Variants in PLG observed in about 807,000 individuals in gnomAD.
PLG encodes plasminogen.
PLG carries 41 observed loss-of-function variants against 104.4 expected under a neutral mutation model. That is an observed-to-expected ratio of 0.39 (90% CI 0.31 to 0.51). The LOEUF (loss-of-function observed/expected upper bound fraction) is 0.51, where lower values mean the gene tolerates loss of function less well. Ranked by LOEUF, PLG falls within the 20% of genes least tolerant of loss-of-function variation. The pLI, the probability that PLG is intolerant of heterozygous loss-of-function variation, is 0.76. For synonymous variants in PLG, 337 were observed against 357.1 expected (o/e 0.94, Z 0.63); for missense variants, 891 against 1,003.6 (o/e 0.89, Z 1.52).
intron 3 of PLG, chr6:160,708,265 T>C (rs577526107): frequency 1.2e-3 from 178 of 154,774 alleles, no homozygotes; most frequent in African/African-American, 3.9e-3. Context: ...AAATCTTATT[T>C]TTACTCTTAA....
intron 4 of PLG, chr6:160,711,650 C>T (rs1777644370): frequency 2.5e-6 from 4 of 1,610,676 alleles, no homozygotes; most frequent in Non-Finnish European, 3.4e-6. Context: ...TGGTTGCTTT[C>T]TATTTTTTCT....
chr6:160,716,811 C>T (rs1777740276), intron 7 of PLG, 48 bp downstream of exon 7: 1 of 1,130,410 alleles, frequency 8.8e-7, no homozygotes, highest in Non-Finnish European at 1.4e-6. Flanking sequence ...CTGCCCTGTT[C>T]TTGAAATCAA....
chr6:160,747,158 G>A (rs934272838), intron 17 of PLG, among the ~76,000 whole-genome samples: 5 of 152,232 alleles, frequency 3.3e-5, no homozygotes, highest in Non-Finnish European at 7.3e-5. Flanking sequence ...TAATGTAAGT[G>A]GGATGGTGTT....
intron 10 of PLG, among the ~76,000 whole-genome samples, chr6:160,728,922 T>C (rs1171404134): frequency 2.0e-5 from 3 of 152,104 alleles, no homozygotes; most frequent in Non-Finnish European, 4.4e-5. Flanking sequence ...TTTCATAAAA[T>C]GAAAATTATG....
rs1778159788 is a variant in PLG at position 160,739,868 on chromosome 6, TGTC to T, written c.2018+661_2018+663del. On this transcript the variant is annotated intron_variant, in intron 16 of 18. Coordinates refer to ENST00000308192, the MANE Select transcript of PLG (RefSeq NM_000301.5). This position sits in a 1 kb window ranked among gnomAD's most constrained non-coding sequence, Gnocchi z 4.4. ...TAAATGTAAATTATATTATTATTAT[TGTC>T]TTCTTTGATTTGATTTTCTCTTTCC... Among the ~76,000 whole-genome samples, 1 of 152,170 alleles carries T rather than the reference TGTC, an allele frequency of 6.6e-6. No homozygotes were observed. The highest frequency in any genetic ancestry group is 2.4e-5 in the African/African-American group (1 of 41,438).
intron 10 of PLG, among the ~76,000 whole-genome samples, chr6:160,729,551 A>C (rs1327574568): frequency 6.6e-6 from 1 of 152,248 alleles, no homozygotes; most frequent in Non-Finnish European, 1.5e-5. Context: ...TTAAGCAATT[A>C]AAATGAAGAA....
chr6:160,714,710 A>T, intron 5 of PLG, 84 bp from the exon 6 acceptor site: 1 of 1,365,976 alleles, frequency 7.3e-7, no homozygotes, highest in Non-Finnish European at 1.0e-6. Context: ...TTAAGTGAGT[A>T]GGATTCTGGT....
At position 160,724,875 on chromosome 6, in the gene PLG, T is replaced by C. The variant is rs1777898946; in HGVS notation, c.1256+2308T>C. On this transcript the variant is annotated intron_variant, in intron 10 of 18. Coordinates refer to ENST00000308192, the MANE Select transcript of PLG (RefSeq NM_000301.5). This position sits in a 1 kb window ranked among gnomAD's most constrained non-coding sequence, Gnocchi z 5.0. Reference sequence around the variant, plus strand: ...ATCTATTTTGGTAGAAGAAAAATAGTGCCAGATGGGAACTTTATACTAAGT... The same window carrying C: ...ATCTATTTTGGTAGAAGAAAAATAGCGCCAGATGGGAACTTTATACTAAGT... 1.3e-5 allele frequency among the ~76,000 whole-genome samples: 2 copies of C among 152,166 alleles called. 1 individual carries two copies. The highest frequency in any genetic ancestry group is 4.8e-5 in the African/African-American group (2 of 41,456).
At position 160,731,919 on chromosome 6, in the gene PLG, T is replaced by C; in HGVS notation, c.1587+26T>C. The C allele has an allele frequency of 6.2e-7, 1 of 1,612,660 alleles. No individual in the cohort carries two copies. The highest frequency in any genetic ancestry group is 8.5e-7 in the Non-Finnish European group (1 of 1,178,754). ...GTAAGCCACTTTGATTTGGACTCTT[T>C]GGCCTTTTGCTCACCAATCTTTGCA... On this transcript the variant is annotated intron_variant, in intron 12 of 18. Transcript: ENST00000308192. The surrounding 1 kb of genome is among the most constrained non-coding windows in gnomAD (Gnocchi z 5.1).
At chr6:160,730,571 A>C (rs973387257) in intron 10 of PLG, among the ~76,000 whole-genome samples, 1 of 152,180 alleles carries the variant, frequency 6.6e-6, no homozygotes, top group Non-Finnish European at 1.5e-5. Context: ...GAATGATACC[A>C]TCTTGGATGT....
intron 1 of PLG, among the ~76,000 whole-genome samples, chr6:160,702,937 C>T (rs1279191029): frequency 1.8e-5 from 2 of 111,364 alleles, no homozygotes; most frequent in African/African-American, 3.1e-5. Context: ...TCAACAAATA[C>T]TCAGTTGCTT....
At position 160,724,629 on chromosome 6, in the gene PLG, T is replaced by C. The variant is rs1181351164; in HGVS notation, c.1256+2062T>C. Among the ~76,000 whole-genome samples the C allele has an allele frequency of 6.6e-6, 1 of 152,188 alleles. No individual in the cohort carries two copies. The highest frequency in any genetic ancestry group is 1.9e-4 in the East Asian group (1 of 5,200). ...ACAGAAGAATAGTGGTAAAAATGAC[T>C]GATGCCTTCTCGTCAGAAACTATGC... On this transcript the variant is annotated intron_variant, in intron 10 of 18. Transcript: ENST00000308192. The surrounding 1 kb of genome is among the most constrained non-coding windows in gnomAD (Gnocchi z 5.0).
rs550346431 is a variant in PLG, at chr6:160,723,842, C to T, written c.1256+1275C>T. Among the ~76,000 whole-genome samples the T allele has an allele frequency of 6.6e-6, 1 of 152,306 alleles. No homozygotes were observed. Among genetic ancestry groups the T allele is most frequent in the East Asian group, 1.9e-4 (1 of 5,186 alleles). ...CAGCCTGAGGAGAGACCTCGCTGAA[C>T]ATCTTGGGCATTCAGTAGTCACCAC... On this transcript the variant is annotated intron_variant, in intron 10 of 18. Transcript: ENST00000308192. The surrounding 1 kb of genome is among the most constrained non-coding windows in gnomAD (Gnocchi z 4.7).
rs745553528 is a variant in PLG at position 160,731,046 on chromosome 6, T to C, written c.1257-5T>C. 9 of 1,613,818 alleles carry C rather than the reference T, an allele frequency of 5.6e-6. No individual in the cohort carries two copies. The South Asian group carries it at 8.8e-5, about 16-fold the overall frequency. ...TTGTGACCTGTATTGTTTTGGAATTTCCAGTGGCCTGACAATGAACTACTG... is the reference window on the plus strand; with the variant it reads ...TTGTGACCTGTATTGTTTTGGAATTCCCAGTGGCCTGACAATGAACTACTG... On this transcript the variant is annotated splice_polypyrimidine_tract_variant and splice_region_variant and intron_variant, in intron 10 of 18. Transcript: ENST00000308192. This position sits in a 1 kb window ranked among gnomAD's most constrained non-coding sequence, Gnocchi z 5.1.
chr6:160,747,552 TCAAAAACCCAG>T (rs1778298511), intron 17 of PLG, among the ~76,000 whole-genome samples: 2 of 152,302 alleles, frequency 1.3e-5, no homozygotes, highest in East Asian at 3.9e-4. Context: ...AACCCCTCAT[TCAAAAACCCAG>T]CATTTTCAAG....
chr6:160,718,637 G>A, intron 8 of PLG, 56 bp from the exon 9 acceptor site: 1 of 1,579,222 alleles, frequency 6.3e-7, no homozygotes, highest in Non-Finnish European at 8.7e-7. Context: ...TCAAAGCGTG[G>A]TTCCCTAGAC....
chr6:160,710,127 CT>C, intron 3 of PLG, among the ~76,000 whole-genome samples: 1 of 152,202 alleles, frequency 6.6e-6, no homozygotes, highest in East Asian at 1.9e-4. Flanking sequence ...TGTGTAAAAC[CT>C]TTAGATTTTT....
chr6:160,734,335 G>A lies in PLG; in HGVS notation c.1681+247G>A, dbSNP rs117550301. Among the ~76,000 whole-genome samples, 1 of 152,282 alleles carries A rather than the reference G, an allele frequency of 6.6e-6. No individual in the cohort carries two copies. Among genetic ancestry groups the A allele is most frequent in the East Asian group, 1.9e-4 (1 of 5,184 alleles). On this transcript the variant is annotated intron_variant, in intron 13 of 18. Coordinates refer to ENST00000308192, the MANE Select transcript of PLG (RefSeq NM_000301.5). The surrounding 1 kb of genome is among the most constrained non-coding windows in gnomAD (Gnocchi z 4.4). ...GTAAAATTCCCAAAGAGCAAGCTTAGAGGTAATCTAGTCAGCCCCAGGATG... is the reference window on the plus strand; with the variant it reads ...GTAAAATTCCCAAAGAGCAAGCTTAAAGGTAATCTAGTCAGCCCCAGGATG...
In PLG at chr6:160,748,440, G is replaced by GAAAGA. The variant is rs1244989234; in HGVS notation, c.2126-3673_2126-3672insAGAAA. On this transcript the variant is annotated intron_variant, in intron 17 of 18. Coordinates refer to ENST00000308192, the MANE Select transcript of PLG (RefSeq NM_000301.5). ...AGGGAAAGAAAGAGAACGAAAGAAA[G>GAAAGA]AAGGGAGGGAGGGAGGGAGGGAGGG... Among the ~76,000 whole-genome samples, 28 of 69,424 alleles carry GAAAGA rather than the reference G, an allele frequency of 4.0e-4. 10 individuals are homozygous for GAAAGA. The East Asian group carries it at 0.023, about 56-fold the overall frequency. 45.5% of individuals were successfully genotyped at this position (69,424 alleles called of 152,430 possible). A position where few individuals can be genotyped will look rare whatever the true frequency, so the allele number is the denominator to read the frequency against.
Sources: gnomAD v4.1 joint callset for allele counts (sites outside exome capture counted in the v4.1 genomes callset) on GRCh38, gnomAD v4.1.1 for gene constraint, Gnocchi (gnomAD v3.1) non-coding constraint, MANE v1.5 for transcripts, NCBI Gene and HGNC (gene_info 2026-07-23, HGNC 2026-07-21) for gene names.